Variants in SCML4 observed in about 807,000 individuals in gnomAD.
The protein encoded by SCML4 is sex comb on midleg-like protein 4.
In SCML4, 34 loss-of-function variants were observed where a neutral mutation model predicts 41.1. The observed-to-expected ratio is 0.83, with a 90% CI of 0.63 to 1.10. The LOEUF is 1.10. SCML4 is among the 50% of genes least tolerant of loss of function. SCML4 has a pLI of 0.00. For synonymous variants in SCML4, 214 were observed against 220.9 expected (o/e 0.97, Z 0.28); for missense variants, 522 against 534.1 (o/e 0.98, Z 0.22).
intron 5 of SCML4, among the ~76,000 whole-genome samples, chr6:107,743,433 G>C (rs994175804): frequency 3.4e-4 from 52 of 152,210 alleles, no homozygotes; most frequent in African/African-American, 1.2e-3. Flanking sequence ...TAACAATGAG[G>C]CAAGCATCTG....
rs1456705322 is a variant in SCML4, at chr6:107,720,727, T to C, written c.949A>G (p.Thr317Ala). 6.4e-7 allele frequency: 1 copy of C among 1,574,004 alleles called. No individual in the cohort carries two copies. The part of the protein sequence containing the change: ...PPASSPKRNT[T>A]SLEGNRCASS... ...CCACATCTGTTTCCTTCAAGAGAGG[T>C]CGTGTTTCTCTTGGGGCTGGAGGCT... is the stretch of plus-strand genomic sequence containing the variant. The change falls in exon 6 of 8, where the codon ACC becomes GCC. Residue 317 changes from threonine (T) to alanine (A), a missense_variant. Transcript: ENST00000369020.
chr6:107,824,909 C>T (rs1785193589), upstream of SCML4, among the ~76,000 whole-genome samples: 2 of 152,148 alleles, frequency 1.3e-5, no homozygotes, highest in South Asian at 4.1e-4. Flanking sequence ...TGTGTGCACA[C>T]ACCATGGTTG....
rs1773281666 is a variant in SCML4, at chr6:107,702,691, T to C, written c.*2509A>G. 6.6e-6 allele frequency among the ~76,000 whole-genome samples: 1 copy of C among 152,214 alleles called. No individual in the cohort carries two copies. The highest frequency in any genetic ancestry group is 2.4e-5 in the African/African-American group (1 of 41,444). On this transcript the variant is annotated 3_prime_UTR_variant, in exon 8 of 8. Coordinates refer to ENST00000369020, the MANE Select transcript of SCML4 (RefSeq NM_198081.5). The stretch of plus-strand genomic sequence containing the variant: ...ACCAGCAGTGAGCACTTACGATTAA[T>C]AAATTCTTAAGAGACAGGCCCTATC...
chr6:107,785,540 A>T (rs533949994), intron 1 of SCML4, among the ~76,000 whole-genome samples: 6 of 152,048 alleles, frequency 3.9e-5, no homozygotes, highest in South Asian at 2.1e-4. Context: ...TTGTAGTAGC[A>T]CCTCCCAAGC....
rs564970576 is a variant in SCML4, at chr6:107,822,362, G to A, written c.-60+1764C>T. Among the ~76,000 whole-genome samples, 6 of 152,226 alleles carry A rather than the reference G, an allele frequency of 3.9e-5. No individual in the cohort carries two copies. In the East Asian group the frequency reaches 9.7e-4, roughly 25 times the overall value. On this transcript the variant is annotated intron_variant, in intron 1 of 7. Transcript: ENST00000369020. The stretch of plus-strand genomic sequence containing the variant: ...CCTCACCCCCAGGAGTCAAGAACCA[G>A]AAAGTGAAACTGCTTCTGCTGATTT...
At chr6:107,740,041 G>A in intron 5 of SCML4, 1 of 445,776 alleles carries the variant, frequency 2.2e-6, no homozygotes, top group South Asian at 1.6e-5. Context: ...TTATGAGCTA[G>A]GAAAGGGCTC....
At chr6:107,831,449 A>G in the SCML4 span, among the ~76,000 whole-genome samples, 2 of 149,422 alleles carry the variant, frequency 1.3e-5, no homozygotes, top group Non-Finnish European at 3.0e-5. Flanking sequence ...CTCGTTGGTG[A>G]ATAAAAAGCA....
rs181256940 is a variant in SCML4 at position 107,721,108 on chromosome 6, A to G, written c.683-115T>C. 5.9e-5 allele frequency: 77 copies of G among 1,305,380 alleles called. No homozygotes were observed. In the East Asian group the frequency reaches 1.8e-3, roughly 31 times the overall value. The allele number at this position is 1,305,380 out of a possible 1,614,324, so 80.9% of individuals were successfully genotyped here. ...AACACAGTAGCCAGTATTTGTGAGC[A>G]TGCAGAGAGGAGAAATGAACCTCAC... On this transcript the variant is annotated intron_variant, in intron 5 of 7. Transcript: ENST00000369020.
At position 107,755,548 on chromosome 6, in the gene SCML4, G is replaced by A. The variant is rs75121437; in HGVS notation, c.157-5735C>T. Reference sequence around the variant, plus strand: ...AGAAGCTTTGCTCTAGTGTGATGCAGGGCCCAGTCCATCAGCACAAACCTC... The same window carrying A: ...AGAAGCTTTGCTCTAGTGTGATGCAAGGCCCAGTCCATCAGCACAAACCTC... On this transcript the variant is annotated intron_variant, in intron 2 of 7. Coordinates refer to ENST00000369020, the MANE Select transcript of SCML4 (RefSeq NM_198081.5). The A allele has an allele frequency of 3.7e-3, 4,559 of 1,228,888 alleles. 121 individuals carry two copies. In the African/African-American group the frequency reaches 0.064, roughly 17 times the overall value. 76.1% of individuals were successfully genotyped at this position (1,228,888 alleles called of 1,614,324 possible). A position where few individuals can be genotyped will look rare whatever the true frequency, so the allele number is the denominator to read the frequency against.
chr6:107,753,950 G>C (rs755851279), intron 2 of SCML4, among the ~76,000 whole-genome samples: 14 of 152,186 alleles, frequency 9.2e-5, no homozygotes, highest in Non-Finnish European at 1.0e-4. Context: ...CTTGCAGAAG[G>C]TCTCTTCCCA....
At chr6:107,842,851 G>T in the SCML4 span, among the ~76,000 whole-genome samples, 2 of 152,000 alleles carry the variant, frequency 1.3e-5, no homozygotes, top group African/African-American at 4.8e-5. Context: ...GTACACACTT[G>T]TTATGTCTTC....
At chr6:107,720,336 T>G in intron 6 of SCML4, 1 of 973,536 alleles carries the variant, frequency 1.0e-6, no homozygotes, top group Non-Finnish European at 1.2e-6. Context: ...ATGAAGGCTG[T>G]AGAGGGTGGC....
chr6:107,732,098 C>G (rs372544624), intron 5 of SCML4: 44 of 152,292 alleles, frequency 2.9e-4, no homozygotes, highest in African/African-American at 1.1e-3. Context: ...CTCTAACGGA[C>G]TTCCTGGTGA....
intron 2 of SCML4, among the ~76,000 whole-genome samples, chr6:107,758,268 T>G (rs949604438): frequency 1.1e-4 from 16 of 152,186 alleles, no homozygotes; most frequent in African/African-American, 3.6e-4. Context: ...GGTAGCCTGT[T>G]GTGACTGGAG....
chr6:107,736,984 C>T (rs1481604850), intron 5 of SCML4, among the ~76,000 whole-genome samples: 1 of 152,230 alleles, frequency 6.6e-6, no homozygotes. Flanking sequence ...GGCAGGAAAC[C>T]AGCAACTAAA....
intron 5 of SCML4, among the ~76,000 whole-genome samples, chr6:107,725,874 C>G (rs544255693): frequency 1.6e-4 from 24 of 151,016 alleles, no homozygotes; most frequent in African/African-American, 5.1e-4. Context: ...ATGAGGAGTT[C>G]GAGACCAGCT....
chr6:107,785,527 G>A (rs1368546804), intron 1 of SCML4, among the ~76,000 whole-genome samples: 1 of 152,168 alleles, frequency 6.6e-6, no homozygotes, highest in Non-Finnish European at 1.5e-5. Context: ...GTGGCCAATG[G>A]CCTTGTAGTA....
intron 6 of SCML4, among the ~76,000 whole-genome samples, chr6:107,713,401 GT>G (rs930236409): frequency 2.0e-5 from 3 of 152,138 alleles, no homozygotes; most frequent in Non-Finnish European, 4.4e-5. Context: ...ATGACACTGT[GT>G]AACCCCTCCC....
At chr6:107,801,867 T>A (rs939645608) in intron 1 of SCML4, among the ~76,000 whole-genome samples, 7 of 151,814 alleles carry the variant, frequency 4.6e-5, no homozygotes, top group Non-Finnish European at 7.4e-5. Flanking sequence ...CAGGTTCAAG[T>A]GATTCTCCCG....
Sources: gnomAD v4.1 joint callset for allele counts (sites outside exome capture counted in the v4.1 genomes callset) on GRCh38, gnomAD v4.1.1 for gene constraint, MANE v1.5 for transcripts, NCBI Gene and HGNC (gene_info 2026-07-23, HGNC 2026-07-21) for gene names.